SIPA1L2: variants seen among roughly 807,000 people sequenced by gnomAD.
The protein encoded by SIPA1L2 is signal-induced proliferation-associated 1-like protein 2.
Under a neutral mutation model 163.9 loss-of-function variants are expected in SIPA1L2, and 56 were observed. That is an observed-to-expected ratio of 0.34 (90% CI 0.28 to 0.43). The LOEUF (loss-of-function observed/expected upper bound fraction) is 0.43, where lower values mean the gene tolerates loss of function less well. Among genes scored for constraint, SIPA1L2 ranks in the 20% least tolerant of loss-of-function variants. The pLI is 1.00. For synonymous variants in SIPA1L2, 877 were observed against 865.7 expected (o/e 1.01, Z -0.23); for missense variants, 1,974 against 2,193.5 (o/e 0.90, Z 2.00).
chr1:232,608,213 T>C (rs1662066493), intron 1 of SIPA1L2, among the ~76,000 whole-genome samples: 1 of 152,042 alleles, frequency 6.6e-6, no homozygotes, highest in South Asian at 2.1e-4. Context: ...ACCCCACTAA[T>C]TTTTTTGTAT....
intron 17 of SIPA1L2, among the ~76,000 whole-genome samples, chr1:232,427,548 T>A (rs959742069): frequency 6.6e-6 from 1 of 152,212 alleles, no homozygotes. Flanking sequence ...TGGCACCAAA[T>A]ATTTATGAAG....
chr1:232,489,493 T>C (rs934976304), intron 5 of SIPA1L2, among the ~76,000 whole-genome samples: 2 of 144,776 alleles, frequency 1.4e-5, no homozygotes, highest in African/African-American at 5.5e-5. Flanking sequence ...GTTTAGAGTA[T>C]GGTTTTTTTT....
At chr1:232,547,891 T>G (rs1658136604) in intron 2 of SIPA1L2, among the ~76,000 whole-genome samples, 1 of 152,174 alleles carries the variant, frequency 6.6e-6, no homozygotes, top group African/African-American at 2.4e-5. Flanking sequence ...TGTGGCTGAC[T>G]GTGAATGCAG....
intron 2 of SIPA1L2, among the ~76,000 whole-genome samples, chr1:232,524,107 T>G (rs767685048): frequency 1.6e-4 from 25 of 152,216 alleles, no homozygotes; most frequent in Admixed American, 6.5e-5. Context: ...TGTGGTTTAT[T>G]GTCTGATATA....
intron 9 of SIPA1L2, among the ~76,000 whole-genome samples, chr1:232,462,941 C>A (rs569735032): frequency 6.6e-6 from 1 of 152,302 alleles, no homozygotes; most frequent in African/African-American, 2.4e-5. Flanking sequence ...TCCCCAAAGT[C>A]TGAAGTAAGG....
At chr1:232,570,583 T>C (rs1432089323) in intron 2 of SIPA1L2, among the ~76,000 whole-genome samples, 1 of 152,188 alleles carries the variant, frequency 6.6e-6, no homozygotes, top group Non-Finnish European at 1.5e-5. Context: ...TAGGGTCCAA[T>C]TGTAACCCAT....
chr1:232,472,343 T>C (rs898532311), intron 7 of SIPA1L2, among the ~76,000 whole-genome samples: 2 of 152,214 alleles, frequency 1.3e-5, no homozygotes, highest in African/African-American at 4.8e-5. Flanking sequence ...GTTGGTTTAC[T>C]TCTTCTGCAT....
intron 1 of SIPA1L2, among the ~76,000 whole-genome samples, chr1:232,597,562 C>A (rs1293990179): frequency 6.7e-6 from 1 of 150,030 alleles, no homozygotes; most frequent in Non-Finnish European, 1.5e-5. Context: ...TGATGGCGGG[C>A]GTCTGTAGTC....
chr1:232,456,235 A>G (rs1228970116), intron 10 of SIPA1L2, among the ~76,000 whole-genome samples: 1 of 152,236 alleles, frequency 6.6e-6, no homozygotes, highest in Non-Finnish European at 1.5e-5. Flanking sequence ...GTATGTGTGT[A>G]GATATACATC....
At chr1:232,445,459 C>T in intron 11 of SIPA1L2, 70 bp downstream of exon 11, 1 of 1,598,338 alleles carries the variant, frequency 6.3e-7, no homozygotes, top group Middle Eastern at 2.2e-4. Context: ...GCAAAACCCT[C>T]CCTACAATGT....
At chr1:232,526,221 C>G (rs1447669912) in intron 2 of SIPA1L2, among the ~76,000 whole-genome samples, 1 of 152,226 alleles carries the variant, frequency 6.6e-6, no homozygotes, top group African/African-American at 2.4e-5. Context: ...CCGGCCTCCC[C>G]AGGCCTGTAT....
chr1:232,433,622 C>A (rs1221177121), intron 15 of SIPA1L2, among the ~76,000 whole-genome samples: 1 of 152,194 alleles, frequency 6.6e-6, no homozygotes, highest in Non-Finnish European at 1.5e-5. Context: ...AGAAGGACTA[C>A]CCACCCCCGG....
intron 1 of SIPA1L2, among the ~76,000 whole-genome samples, chr1:232,600,932 A>G (rs1661565483): frequency 6.6e-6 from 1 of 152,218 alleles, no homozygotes; most frequent in South Asian, 2.1e-4. Flanking sequence ...TGCTATAAAC[A>G]GTTACTGTGT....
intron 2 of SIPA1L2, among the ~76,000 whole-genome samples, chr1:232,533,550 C>A (rs943698704): frequency 1.3e-5 from 2 of 152,180 alleles, no homozygotes; most frequent in African/African-American, 4.8e-5. Context: ...TATAAGGTTT[C>A]AGTTGGAGCA....
At chr1:232,470,604 T>C (rs1664751951) in intron 8 of SIPA1L2, among the ~76,000 whole-genome samples, 1 of 152,160 alleles carries the variant, frequency 6.6e-6, no homozygotes, top group Non-Finnish European at 1.5e-5. Flanking sequence ...TAAATGAAAA[T>C]AATCTTGGAT....
chr1:232,604,965 A>T (rs1558299475), intron 1 of SIPA1L2, among the ~76,000 whole-genome samples: 1 of 151,592 alleles, frequency 6.6e-6, no homozygotes, highest in Admixed American at 6.6e-5. Flanking sequence ...AGCCAATTAA[A>T]CCTCTTTTCC....
chr1:232,496,095 C>T (rs750917316), intron 3 of SIPA1L2, among the ~76,000 whole-genome samples: 2 of 152,238 alleles, frequency 1.3e-5, no homozygotes, highest in South Asian at 2.1e-4. Flanking sequence ...CATTAACTCA[C>T]TACTCAATCA....
chr1:232,546,685 T>G (rs1390774633), intron 2 of SIPA1L2, among the ~76,000 whole-genome samples: 3 of 152,158 alleles, frequency 2.0e-5, no homozygotes, highest in Admixed American at 6.5e-5. Context: ...TCAGGAACTG[T>G]GTAGGACAGT....
intron 1 of SIPA1L2, among the ~76,000 whole-genome samples, chr1:232,619,812 G>C (rs931277967): frequency 3.5e-4 from 53 of 152,210 alleles, no homozygotes; most frequent in Middle Eastern, 3.2e-3. Context: ...AGTTAGACAA[G>C]GCCATGGAAG....
Sources: gnomAD v4.1 joint callset for allele counts (sites outside exome capture counted in the v4.1 genomes callset) on GRCh38, gnomAD v4.1.1 for gene constraint, MANE v1.5 for transcripts, NCBI Gene and HGNC (gene_info 2026-07-23, HGNC 2026-07-21) for gene names.